The following ABCA12 variants were observed in gnomAD, a reference collection of about 807,000 sequenced individuals.
The protein encoded by ABCA12 is glucosylceramide transporter ABCA12.
In ABCA12, 156 loss-of-function variants were observed where a neutral mutation model predicts 293.5. The observed-to-expected ratio is 0.53, with a 90% CI of 0.47 to 0.61. The LOEUF is 0.61. ABCA12 is among the 20% of genes least tolerant of loss of function. The pLI, the probability that ABCA12 is intolerant of heterozygous loss-of-function variation, is 0.00. For missense variants in ABCA12, 2,797 were observed against 3,090.2 expected (o/e 0.91, Z 2.25); for synonymous variants, 1,063 against 1,108.0 (o/e 0.96, Z 0.81).
At position 215,045,843 on chromosome 2, in the gene ABCA12, G is replaced by A; in HGVS notation, c.866C>T (p.Ala289Val). 2 of 1,612,822 alleles carry A rather than the reference G, an allele frequency of 1.2e-6. No individual in the cohort carries two copies. The highest frequency in any genetic ancestry group is 1.7e-6 in the Non-Finnish European group (2 of 1,179,334). ...LSNLFDVLRKANSVLLVVQKV... is the reference protein window; with the variant it reads ...LSNLFDVLRKVNSVLLVVQKV... ...AATTCTTACATTTTCTTACCTGTTT[G>A]CCTTTCGAAGAACATCAAATAGATT... is the stretch of plus-strand genomic sequence containing the variant. The change falls in exon 7 of 53, where the codon GCA (alanine) becomes GTA (valine). Residue 289 changes from alanine to valine, a missense_variant. Transcript: ENST00000272895.
In ABCA12 at chr2:215,025,607, T is replaced by TG. The variant is rs1298500507; in HGVS notation, c.1287+65_1287+66insC. On this transcript the variant is annotated intron_variant, in intron 11 of 52. Coordinates refer to ENST00000272895, the MANE Select transcript of ABCA12 (RefSeq NM_173076.3). Reference sequence around the variant, plus strand: ...ATTATGAGAAGTGTTAAGGTTTTTTTTTTGTTTGTTTTGTCTTTTTGTTTT... The same window carrying TG: ...ATTATGAGAAGTGTTAAGGTTTTTTTGTTTGTTTGTTTTGTCTTTTTGTTTT... 3.4e-3 allele frequency: 3,778 copies of TG among 1,103,242 alleles called. 79 individuals are homozygous for TG. In the African/African-American group the frequency reaches 0.043, roughly 13 times the overall value. 68.3% of individuals were successfully genotyped at this position (1,103,242 alleles called of 1,614,324 possible). A position where few individuals can be genotyped will look rare whatever the true frequency, so the allele number is the denominator to read the frequency against.
intron 11 of ABCA12, among the ~76,000 whole-genome samples, chr2:215,021,808 G>T (rs1028016497): frequency 3.9e-5 from 6 of 152,016 alleles, no homozygotes; most frequent in Non-Finnish European, 8.8e-5. Context: ...ATTAAATGTT[G>T]GTCATCTTAG....
chr2:215,132,200 ATG>A (rs1703074378), intron 1 of ABCA12, among the ~76,000 whole-genome samples: 1 of 152,092 alleles, frequency 6.6e-6, no homozygotes, highest in South Asian at 2.1e-4. Context: ...GATGAGAAGA[ATG>A]TATATTCTGC....
intron 2 of ABCA12, among the ~76,000 whole-genome samples, chr2:215,109,662 C>T (rs1168453512): frequency 6.6e-6 from 1 of 152,068 alleles, no homozygotes; most frequent in Non-Finnish European, 1.5e-5. Flanking sequence ...AGGCACATAT[C>T]ACATTATTTC....
intron 6 of ABCA12, among the ~76,000 whole-genome samples, chr2:215,048,416 C>T (rs1701246041): frequency 7.1e-6 from 1 of 141,584 alleles, no homozygotes. Flanking sequence ...ACAGAATCAG[C>T]CGGTGCAGTG....
chr2:215,096,973 G>A (rs1471630352), intron 2 of ABCA12, among the ~76,000 whole-genome samples: 14 of 152,076 alleles, frequency 9.2e-5, no homozygotes, highest in Admixed American at 8.5e-4. Flanking sequence ...TATCTGATAC[G>A]CTAGGCACTG....
chr2:215,059,632 C>A (rs1701489231), intron 3 of ABCA12, among the ~76,000 whole-genome samples: 2 of 151,878 alleles, frequency 1.3e-5, no homozygotes, highest in Admixed American at 1.3e-4. Flanking sequence ...TAATACATTT[C>A]TAAAATTTGT....
chr2:215,058,841 GA>G (rs547356748), intron 3 of ABCA12, among the ~76,000 whole-genome samples: 9 of 150,328 alleles, frequency 6.0e-5, no homozygotes, highest in Admixed American at 2.0e-4. Context: ...TCATTCTGAG[GA>G]AAAAAAAACT....
intron 16 of ABCA12, 149 bp downstream of exon 16, chr2:215,011,822 G>T: frequency 8.7e-7 from 1 of 1,148,136 alleles, no homozygotes; most frequent in Non-Finnish European, 1.3e-6. Context: ...TAATTAAAGT[G>T]GCAAAAAGTG....
intron 11 of ABCA12, 109 bp from the exon 12 acceptor site, chr2:215,019,905 C>A (rs1311609252): frequency 5.2e-6 from 7 of 1,335,242 alleles, no homozygotes; most frequent in Non-Finnish European, 4.2e-6. Context: ...AAACATTCTG[C>A]CTATGTATGT....
At chr2:215,048,911 G>A (rs574018574) in intron 6 of ABCA12, among the ~76,000 whole-genome samples, 3 of 152,176 alleles carry the variant, frequency 2.0e-5, no homozygotes, top group South Asian at 4.1e-4. Flanking sequence ...AACAGAAAAC[G>A]AAATACTGCA....
chr2:214,978,685 A>G, intron 32 of ABCA12, 119 bp downstream of exon 32: 1 of 1,230,138 alleles, frequency 8.1e-7, no homozygotes, highest in Non-Finnish European at 1.2e-6. Flanking sequence ...AAAAAATGTT[A>G]AGCTTTTCTA....
Position 215,134,620 on chromosome 2 carries a change from G to GAGAGAGAGAGAGAGAGACAAAC in ABCA12, c.69+3519_69+3520insGTTTGTCTCTCTCTCTCTCTCT, listed in dbSNP as rs1553551027. Reference sequence around the variant, plus strand: ...CTCTCTATATATATATATATATAGAGAGAGAGAGAGAGAGAGAGAGACAAA... The same window carrying GAGAGAGAGAGAGAGAGACAAAC: ...CTCTCTATATATATATATATATAGAGAGAGAGAGAGAGAGAGACAAACAGAGAGAGAGAGAGAGAGAGACAAA... On this transcript the variant is annotated intron_variant, in intron 1 of 52. Transcript: ENST00000272895. Among the ~76,000 whole-genome samples, 303 of 93,388 alleles carry GAGAGAGAGAGAGAGAGACAAAC rather than the reference G, an allele frequency of 3.2e-3. 12 individuals are homozygous for GAGAGAGAGAGAGAGAGACAAAC. Among genetic ancestry groups the GAGAGAGAGAGAGAGAGACAAAC allele is most frequent in the African/African-American group, 0.019 (286 of 14,860 alleles). 61.3% of individuals were successfully genotyped at this position (93,388 alleles called of 152,430 possible). A position where few individuals can be genotyped will look rare whatever the true frequency, so the allele number is the denominator to read the frequency against.
Position 214,989,568 on chromosome 2 carries a change from G to C in ABCA12, c.3678C>G (p.Tyr1226Ter). ...GGGACCTACCAATGCCCTGTTCTTC[G>C]TATCGTGCAATGTATTGGCTTGCAT... ...FSYASQYIAR[Y>*]EEQGIGLQWE... The change falls in exon 25 of 53, where the codon TAC (tyrosine) becomes TAG (stop). Residue 1226 changes from tyrosine (Y) to a stop codon, truncating the protein, a stop_gained. Coordinates refer to ENST00000272895, the MANE Select transcript of ABCA12 (RefSeq NM_173076.3). LOFTEE classifies it high-confidence loss of function. 6.2e-7 allele frequency: 1 copy of C among 1,614,060 alleles called. No individual in the cohort carries two copies. The highest frequency in any genetic ancestry group is 8.5e-7 in the Non-Finnish European group (1 of 1,179,966).
At chr2:215,096,471 T>C (rs1263223332) in intron 2 of ABCA12, among the ~76,000 whole-genome samples, 3 of 152,196 alleles carry the variant, frequency 2.0e-5, no homozygotes, top group Non-Finnish European at 4.4e-5. Flanking sequence ...AATTGAAAGA[T>C]AAGTTACATG....
chr2:214,978,756 C>T (rs1199835784), intron 32 of ABCA12, 48 bp downstream of exon 32: 2 of 1,575,670 alleles, frequency 1.3e-6, no homozygotes, highest in Non-Finnish European at 8.7e-7. Context: ...TCAAAGGGAA[C>T]AGCAAGTTAT....
chr2:214,945,426 T>C (rs916582943), intron 48 of ABCA12, among the ~76,000 whole-genome samples: 23 of 152,228 alleles, frequency 1.5e-4, no homozygotes, highest in African/African-American at 5.3e-4. Context: ...TTGCCACATA[T>C]ATAAGCCACA....
intron 3 of ABCA12, among the ~76,000 whole-genome samples, chr2:215,059,456 C>T (rs1701485387): frequency 6.6e-6 from 1 of 151,984 alleles, no homozygotes; most frequent in Non-Finnish European, 1.5e-5. Context: ...TGTCCACATT[C>T]CAAACATATA....
At chr2:215,105,092 T>C (rs1209556124) in intron 2 of ABCA12, among the ~76,000 whole-genome samples, 2 of 152,242 alleles carry the variant, frequency 1.3e-5, no homozygotes, top group Admixed American at 1.3e-4. Flanking sequence ...GCATTCTGAC[T>C]GTGTTCCCTG....
Sources: allele counts gnomAD v4.1 joint callset (sites outside exome capture counted in the v4.1 genomes callset), GRCh38; gene constraint gnomAD v4.1.1; transcripts MANE v1.5; gene names NCBI Gene and HGNC (gene_info 2026-07-23, HGNC 2026-07-21).